F3: variants seen among roughly 807,000 people sequenced by gnomAD.
F3 encodes tissue factor.
Under a neutral mutation model 33.5 loss-of-function variants are expected in F3, and 18 were observed. The observed-to-expected ratio is 0.54, with a 90% CI of 0.37 to 0.80. F3 has a LOEUF of 0.80. Ranked by LOEUF, F3 falls within the 30% of genes least tolerant of loss-of-function variation. The pLI is 0.00. For missense variants in F3, 353 were observed against 362.1 expected, an observed-to-expected ratio of 0.97 and a Z score of 0.20; for synonymous variants, 147 against 140.7, an observed-to-expected ratio of 1.05 and a Z score of -0.32.
At position 94,533,072 on chromosome 1, in the gene F3, A is replaced by G. The variant is rs1557700903; in HGVS notation, c.591+18T>C. The stretch of plus-strand genomic sequence containing the variant: ...ACAATTTAAAACAGGTCATAAAAAC[A>G]AATTAAAAAATGCTCACCTTTCCTG... On this transcript the variant is annotated intron_variant, in intron 4 of 5. Coordinates refer to ENST00000334047, the MANE Select transcript of F3 (RefSeq NM_001993.5). The G allele has an allele frequency of 6.2e-7, 1 of 1,605,822 alleles. No homozygotes were observed. The highest frequency in any genetic ancestry group is 8.5e-7 in the Non-Finnish European group (1 of 1,177,570).
chr1:94,540,063 C>G (rs1057451083), intron 2 of F3, among the ~76,000 whole-genome samples, 194 bp downstream of exon 2: 2 of 152,216 alleles, frequency 1.3e-5, no homozygotes, highest in South Asian at 4.1e-4. Flanking sequence ...TTAAAATGTT[C>G]TATCAGTTTA....
intron 2 of F3, among the ~76,000 whole-genome samples, chr1:94,538,446 G>C (rs1029767771): frequency 6.6e-6 from 1 of 152,194 alleles, no homozygotes; most frequent in Non-Finnish European, 1.5e-5. Flanking sequence ...GAGAGCAGTC[G>C]GGAGGGAAGA....
chr1:94,535,140 T>C (rs1203329977), intron 3 of F3, among the ~76,000 whole-genome samples: 2 of 152,120 alleles, frequency 1.3e-5, no homozygotes, highest in African/African-American at 2.4e-5. Context: ...ATTCCTACCT[T>C]GAGAAACTGT....
Position 94,540,694 on chromosome 1 carries a change from A to T in F3, c.101-326T>A, listed in dbSNP as rs3917603. 1,311 of 235,442 alleles carry T rather than the reference A, an allele frequency of 5.6e-3. 4 individuals are homozygous for T. Among genetic ancestry groups the T allele is most frequent in the Non-Finnish European group, 8.5e-3 (1,053 of 123,174 alleles). The allele number at this position is 235,442 out of a possible 1,614,324, so 14.6% of individuals were successfully genotyped here. A position where few individuals can be genotyped will look rare whatever the true frequency, so the allele number is the denominator to read the frequency against. ...CCATCAGTGTGCCAGTCCAGGACTC[A>T]GCTCAGGAAGAGTCAGGTTCAGCCC... On this transcript the variant is annotated intron_variant, in intron 1 of 5. Coordinates refer to ENST00000334047, the MANE Select transcript of F3 (RefSeq NM_001993.5).
At chr1:94,532,815 C>T (rs941897216) in intron 4 of F3, among the ~76,000 whole-genome samples, 6 of 152,118 alleles carry the variant, frequency 3.9e-5, no homozygotes, top group Non-Finnish European at 5.9e-5. Context: ...GAAATGTGAG[C>T]ATGGCGGGAC....
At chr1:94,534,759 A>G (rs1478002405) in intron 3 of F3, among the ~76,000 whole-genome samples, 1 of 152,176 alleles carries the variant, frequency 6.6e-6, no homozygotes. Flanking sequence ...CACAGGCCAA[A>G]TATGTGTGTG....
intron 3 of F3, among the ~76,000 whole-genome samples, chr1:94,535,109 C>T (rs999883220): frequency 2.6e-5 from 4 of 152,026 alleles, no homozygotes; most frequent in Admixed American, 6.5e-5. Context: ...GTTGGTTGTC[C>T]GTCCACCCCT....
chr1:94,532,522 C>A, intron 4 of F3, 42 bp from the exon 5 acceptor site: 1 of 1,600,674 alleles, frequency 6.2e-7, no homozygotes, highest in South Asian at 1.1e-5. Context: ...GGCTCTGAGT[C>A]AATTCTTTCC....
In F3 at chr1:94,541,585, G is replaced by A. The variant is rs1254466317; in HGVS notation, c.52C>T (p.Arg18Trp). The part of the protein sequence containing the change: ...RVPRPETAVA[R>W]TLLLGWVFAQ... ...AAGACCCAGCCGAGCAGGAGCGTCC[G>A]AGCGACGGCGGTCTCGGGGCGCGGG... is the stretch of plus-strand genomic sequence containing the variant. The change falls in exon 1 of 6, where the codon CGG becomes TGG. Residue 18 changes from arginine to tryptophan, a missense_variant. Coordinates refer to ENST00000334047, the MANE Select transcript of F3 (RefSeq NM_001993.5). 4 of 1,480,704 alleles carry A rather than the reference G, an allele frequency of 2.7e-6. No individual in the cohort carries two copies. The South Asian group carries it at 4.0e-5, about 15-fold the overall frequency. 91.7% of individuals were successfully genotyped at this position (1,480,704 alleles called of 1,614,324 possible). A position where few individuals can be genotyped will look rare whatever the true frequency, so the allele number is the denominator to read the frequency against.
intron 4 of F3, 42 bp from the exon 5 acceptor site, chr1:94,532,522 C>T (rs1335837453): frequency 1.2e-6 from 2 of 1,600,680 alleles, no homozygotes; most frequent in South Asian, 1.1e-5. Flanking sequence ...GGCTCTGAGT[C>T]AATTCTTTCC....
chr1:94,533,501 G>C (rs1651497501), intron 3 of F3, among the ~76,000 whole-genome samples: 2 of 152,210 alleles, frequency 1.3e-5, no homozygotes, highest in South Asian at 4.1e-4. Flanking sequence ...AAGTTTTCTA[G>C]TAGTCACATT....
chr1:94,531,319 T>G (rs1484166789), intron 5 of F3, among the ~76,000 whole-genome samples: 15 of 88,222 alleles, frequency 1.7e-4, no homozygotes, highest in Non-Finnish European at 3.1e-4. Context: ...TTTTTTTTTT[T>G]GAGATGGAAT....
Position 94,540,653 on chromosome 1 carries a change from C to T in F3, c.101-285G>A, listed in dbSNP as rs1160650603. 12 of 336,152 alleles carry T rather than the reference C, an allele frequency of 3.6e-5. No individual in the cohort carries two copies. The East Asian group carries it at 7.4e-4, about 21-fold the overall frequency. The allele number at this position is 336,152 out of a possible 1,614,324, so 20.8% of individuals were successfully genotyped here. ...GGGCAAAGCCTTGTTATAACTTGAC[C>T]GGGAAGAGCCCAGAGCCATCAGTGT... On this transcript the variant is annotated intron_variant, in intron 1 of 5. Coordinates refer to ENST00000334047, the MANE Select transcript of F3 (RefSeq NM_001993.5).
chr1:94,535,545 C>T (rs768940636), intron 3 of F3, among the ~76,000 whole-genome samples: 38 of 152,060 alleles, frequency 2.5e-4, no homozygotes, highest in Admixed American at 1.0e-3. Flanking sequence ...GATTTATGAC[C>T]GTTTGGGAAA....
At chr1:94,535,883 G>T in intron 3 of F3, 82 bp downstream of exon 3, 1 of 1,249,762 alleles carries the variant, frequency 8.0e-7, no homozygotes, top group Non-Finnish European at 1.1e-6. Flanking sequence ...TTTTAATTTT[G>T]TAGCCCCTAA....
chr1:94,533,494 T>A (rs1651497436), intron 3 of F3, among the ~76,000 whole-genome samples: 1 of 152,176 alleles, frequency 6.6e-6, no homozygotes, highest in Admixed American at 6.5e-5. Flanking sequence ...TCATTTTAAG[T>A]TTTCTAGTAG....
chr1:94,530,605 T>C lies in F3; in HGVS notation c.752-9A>G, dbSNP rs770870785. The C allele has an allele frequency of 8.7e-6, 14 of 1,613,322 alleles. No individual in the cohort carries two copies. The Admixed American group carries it at 2.3e-4, about 27-fold the overall frequency. On this transcript the variant is annotated splice_polypyrimidine_tract_variant and intron_variant, in intron 5 of 5. Transcript: ENST00000334047. The stretch of plus-strand genomic sequence containing the variant: ...AATGATGTAGAATATTTCTGAAAAA[T>C]AAAGGGCATCTAGTCAACTTGGAGA...
At chr1:94,541,039 A>G (rs1651757965) in intron 1 of F3, 1 of 153,300 alleles carries the variant, frequency 6.5e-6, no homozygotes, top group African/African-American at 2.4e-5. Context: ...GCAGCAATCC[A>G]GCCCTTTTGG....
chr1:94,533,158 G>A lies in F3; in HGVS notation c.523C>T (p.Leu175Phe), dbSNP rs772973586. 2 of 1,613,978 alleles carry A rather than the reference G, an allele frequency of 1.2e-6. No individual in the cohort carries two copies. The highest frequency in any genetic ancestry group is 1.7e-6 in the Non-Finnish European group (2 of 1,179,976). Reference protein sequence around the residue: ...LVRRNNTFLSLRDVFGKDLIY... With the variant: ...LVRRNNTFLSFRDVFGKDLIY... ...AAGTCCTTGCCAAAAACATCCCGGA[G>A]GCTTAGGAAAGTGTTGTTCCTTCTG... The change falls in exon 4 of 6, where the codon CTC becomes TTC. Residue 175 changes from leucine to phenylalanine, a missense_variant. Coordinates refer to ENST00000334047, the MANE Select transcript of F3 (RefSeq NM_001993.5).
Sources: allele counts gnomAD v4.1 joint callset (sites outside exome capture counted in the v4.1 genomes callset), GRCh38; gene constraint gnomAD v4.1.1; transcripts MANE v1.5; gene names NCBI Gene and HGNC (gene_info 2026-07-23, HGNC 2026-07-21).